Variants in ANXA8 observed in about 807,000 individuals in gnomAD.
ANXA8 encodes annexin A8.
In ANXA8, 9 loss-of-function variants were observed where a neutral mutation model predicts 26.8. That is an observed-to-expected ratio of 0.34 (90% CI 0.20 to 0.59). The LOEUF (loss-of-function observed/expected upper bound fraction) is 0.59, where lower values mean the gene tolerates loss of function less well. ANXA8 is among the 20% of genes least tolerant of loss of function. The pLI is 0.84. For missense variants in ANXA8, 83 were observed against 238.5 expected, an observed-to-expected ratio of 0.35 and a Z score of 4.29; for synonymous variants, 39 against 94.8, an observed-to-expected ratio of 0.41 and a Z score of 3.42.
At chr10:47,704,239 A>G in the ANXA8 span, among the ~76,000 whole-genome samples, 1 of 144,324 alleles carries the variant, frequency 6.9e-6, no homozygotes. Context: ...AGTGAGGAAT[A>G]TAAGGGAACT....
the ANXA8 span, among the ~76,000 whole-genome samples, chr10:47,628,879 C>T: frequency 2.1e-5 from 3 of 144,530 alleles, no homozygotes; most frequent in Non-Finnish European, 3.0e-5. Flanking sequence ...ATATTTGTTG[C>T]TTTATCTAAT....
the ANXA8 span, chr10:47,690,873 T>A: frequency 6.2e-7 from 1 of 1,611,664 alleles, no homozygotes; most frequent in Admixed American, 1.7e-5. Flanking sequence ...TGGCCCAGTC[T>A]GAAGCTCTAT....
the ANXA8 span, among the ~76,000 whole-genome samples, chr10:47,940,532 T>G: frequency 0.039 from 4,135 of 106,970 alleles, 138 homozygotes; most frequent in African/African-American, 0.13. Context: ...CTGCCTCTAT[T>G]TAAGAAAGCA....
At chr10:47,556,227 CCTT>C in the ANXA8 span, among the ~76,000 whole-genome samples, 1 of 151,878 alleles carries the variant, frequency 6.6e-6, no homozygotes, top group African/African-American at 2.4e-5. Context: ...ACAGTGCAGT[CCTT>C]CTGCCTGTCC....
the ANXA8 span, among the ~76,000 whole-genome samples, chr10:47,628,621 TC>T: frequency 6.7e-6 from 1 of 149,960 alleles, no homozygotes; most frequent in African/African-American, 2.5e-5. Flanking sequence ...TATTTTTAGC[TC>T]CCTTCTGTCA....
the ANXA8 span, among the ~76,000 whole-genome samples, chr10:47,944,036 C>T: frequency 6.8e-5 from 10 of 147,594 alleles, no homozygotes; most frequent in South Asian, 2.1e-4. Flanking sequence ...TTAGTTGGCT[C>T]GGGCCGCTAT....
At chr10:47,623,864 T>C in the ANXA8 span, among the ~76,000 whole-genome samples, 1 of 530 alleles carries the variant, frequency 1.9e-3, no homozygotes, top group Non-Finnish European at 0.024. Context: ...GTCTCCCTTC[T>C]TTTTTTTTTT....
chr10:47,489,227 C>T, the ANXA8 span, among the ~76,000 whole-genome samples: 1 of 126,166 alleles, frequency 7.9e-6, no homozygotes, highest in Non-Finnish European at 1.7e-5. Context: ...ACCGTGTTAG[C>T]CAGGATGGTC....
At chr10:47,591,639 G>A in the ANXA8 span, among the ~76,000 whole-genome samples, 1 of 142,636 alleles carries the variant, frequency 7.0e-6, no homozygotes, top group African/African-American at 2.9e-5. Flanking sequence ...CTAGAGACGG[G>A]GTTTCACTGT....
At chr10:47,667,500 T>C in the ANXA8 span, among the ~76,000 whole-genome samples, 3,426 of 149,752 alleles carry the variant, frequency 0.023, 21 homozygotes, top group African/African-American at 0.03. Flanking sequence ...GTTTTTTTGT[T>C]GTTGTTTTTG....
At chr10:47,597,105 T>G in the ANXA8 span, among the ~76,000 whole-genome samples, 1 of 149,174 alleles carries the variant, frequency 6.7e-6, no homozygotes, top group South Asian at 2.1e-4. Context: ...TTCAAATATA[T>G]GCAAATCAGT....
At chr10:47,729,333 G>C in the ANXA8 span, among the ~76,000 whole-genome samples, 6 of 138,516 alleles carry the variant, frequency 4.3e-5, no homozygotes, top group African/African-American at 1.5e-4. Context: ...CCCAAAATAT[G>C]TCATTGGTCC....
the ANXA8 span, among the ~76,000 whole-genome samples, chr10:47,521,639 C>A: frequency 6.8e-6 from 1 of 146,264 alleles, no homozygotes; most frequent in Non-Finnish European, 1.5e-5. Context: ...TATTCAAGAA[C>A]CATATTATTA....
chr10:47,975,188 C>A, the ANXA8 span, among the ~76,000 whole-genome samples: 8 of 148,888 alleles, frequency 5.4e-5, 1 homozygote, highest in African/African-American at 9.7e-5. Context: ...CTTTTGAATT[C>A]ATGTCAGCAC....
the ANXA8 span, among the ~76,000 whole-genome samples, chr10:47,659,782 G>A: frequency 1.3e-5 from 2 of 151,116 alleles, no homozygotes; most frequent in South Asian, 2.1e-4. Flanking sequence ...TTTGAGACAG[G>A]GTCTTACTCT....
the ANXA8 span, among the ~76,000 whole-genome samples, chr10:47,497,021 C>G: frequency 2.7e-5 from 4 of 150,284 alleles, no homozygotes; most frequent in African/African-American, 9.9e-5. Context: ...TTTTCTCAAA[C>G]GTTAAAATTT....
chr10:47,640,582 A>AG, the ANXA8 span, among the ~76,000 whole-genome samples: 1 of 92,670 alleles, frequency 1.1e-5, no homozygotes, highest in Non-Finnish European at 1.9e-5. Context: ...GGATAGATGT[A>AG]GAGATCATTA....
the ANXA8 span, chr10:47,565,615 C>G: frequency 3.3e-6 from 1 of 307,644 alleles, no homozygotes; most frequent in African/African-American, 2.2e-5. Flanking sequence ...CGCGCTACCC[C>G]GCGCGCGGCC....
chr10:47,619,242 C>A, the ANXA8 span, among the ~76,000 whole-genome samples: 1 of 113,170 alleles, frequency 8.8e-6, no homozygotes, highest in Non-Finnish European at 1.9e-5. Context: ...TATACTTCTA[C>A]TATTCTACCC....
Sources: gnomAD v4.1 joint callset for allele counts (sites outside exome capture counted in the v4.1 genomes callset) on GRCh38, gnomAD v4.1.1 for gene constraint, MANE v1.5 for transcripts, NCBI Gene and HGNC (gene_info 2026-07-23, HGNC 2026-07-21) for gene names.